LDHC: variants seen among roughly 807,000 people sequenced by gnomAD.
LDHC encodes L-lactate dehydrogenase C chain.
In LDHC, 20 loss-of-function variants were observed where a neutral mutation model predicts 30.2. The ratio of observed to expected loss-of-function variants is 0.66; its 90% CI spans 0.47 to 0.96. The LOEUF is 0.96. LDHC is among the 40% of genes least tolerant of loss of function. The pLI is 0.00. For synonymous variants in LDHC, 139 were observed against 132.7 expected, an observed-to-expected ratio of 1.05 and a Z score of -0.32; for missense variants, 362 against 394.9, an observed-to-expected ratio of 0.92 and a Z score of 0.71.
rs568629352 is a variant in LDHC at position 18,432,846 on chromosome 11, G to T, written c.419-1894G>T. Among the ~76,000 whole-genome samples, 72 of 152,222 alleles carry T rather than the reference G, an allele frequency of 4.7e-4. 3 individuals are homozygous for T. The South Asian group carries it at 0.015, about 32-fold the overall frequency. ...TTTCCACCCCTTTATGTGAGTCCTT[G>T]TATGTTAGGTGAGTCTACTGAAGAC... On this transcript the variant is annotated intron_variant, in intron 4 of 7. Coordinates refer to ENST00000541669, the MANE Select transcript of LDHC (RefSeq NM_017448.5).
chr11:18,412,493 G>C, intron 1 of LDHC, 85 bp downstream of exon 1: 2 of 475,060 alleles, frequency 4.2e-6, no homozygotes, highest in Non-Finnish European at 3.8e-6. Context: ...TGAAAGTGGT[G>C]GCTGGGGGCA....
intron 6 of LDHC, among the ~76,000 whole-genome samples, chr11:18,439,435 C>T (rs2643857): frequency 0.13 from 18,917 of 151,118 alleles, 1,455 homozygotes; most frequent in East Asian, 0.32. Flanking sequence ...TGGTGATGGG[C>T]GCCTGTAATC....
chr11:18,434,866 C>T lies in LDHC; in HGVS notation c.545C>T (p.Pro182Leu), dbSNP rs1208531070. The change falls in exon 5 of 8, where the codon CCC becomes CTC. Residue 182 changes from proline to leucine, a missense_variant. Transcript: ENST00000541669. Reference protein sequence around the residue: ...YLIGEKLGVHPTSCHGWIIGE... With the variant: ...YLIGEKLGVHLTSCHGWIIGE... The stretch of plus-strand genomic sequence containing the variant: ...ATTGGAGAAAAGTTGGGTGTCCACC[C>T]CACAAGCTGCCATGGTTGGATTATT... 6.2e-7 allele frequency: 1 copy of T among 1,613,326 alleles called. No homozygotes were observed. Among genetic ancestry groups the T allele is most frequent in the Non-Finnish European group, 8.5e-7 (1 of 1,179,432 alleles).
Position 18,426,029 on chromosome 11 carries a change from A to T in LDHC, c.245-3708A>T, listed in dbSNP as rs66496958. On this transcript the variant is annotated intron_variant, in intron 3 of 7. Transcript: ENST00000541669. ...GATGGAACATCGTTGATTAGCCACA[A>T]TTTTTTTTTTTTTTTACTTTTTAGT... Among the ~76,000 whole-genome samples, 118 of 134,012 alleles carry T rather than the reference A, an allele frequency of 8.8e-4. 1 individual carries two copies. The highest frequency in any genetic ancestry group is 2.1e-3 in the African/African-American group (70 of 33,574). The allele number at this position is 134,012 out of a possible 152,430, so 87.9% of individuals were successfully genotyped here.
intron 6 of LDHC, among the ~76,000 whole-genome samples, chr11:18,439,729 C>G (rs2698568): frequency 0.068 from 9,554 of 140,756 alleles, 500 homozygotes; most frequent in East Asian, 0.35. Context: ...AATCCCAATA[C>G]TTTGGGAGGC....
intron 1 of LDHC, 107 bp from the exon 2 acceptor site, chr11:18,412,602 T>G: frequency 9.6e-7 from 1 of 1,037,392 alleles, no homozygotes; most frequent in African/African-American, 1.6e-5. Flanking sequence ...AGGAAATTCT[T>G]TCTTTGGCTT....
chr11:18,448,936 C>G (rs987693073), intron 7 of LDHC, among the ~76,000 whole-genome samples: 15 of 152,098 alleles, frequency 9.9e-5, no homozygotes, highest in Admixed American at 4.6e-4. Flanking sequence ...CAGGGCCAGG[C>G]TTGGTCCCAG....
chr11:18,434,375 G>A (rs910938927), intron 4 of LDHC, among the ~76,000 whole-genome samples: 1 of 152,110 alleles, frequency 6.6e-6, no homozygotes. Context: ...TTTGGGGGGT[G>A]TTGACGAGCC....
At chr11:18,415,723 C>T (rs374129070) in intron 3 of LDHC, among the ~76,000 whole-genome samples, 4 of 151,736 alleles carry the variant, frequency 2.6e-5, no homozygotes, top group South Asian at 2.1e-4. Flanking sequence ...GATGGAGTCT[C>T]GCTCTGTTGC....
chr11:18,430,990 C>G (rs535019820), intron 4 of LDHC, among the ~76,000 whole-genome samples: 13 of 151,808 alleles, frequency 8.6e-5, no homozygotes, highest in African/African-American at 3.1e-4. Context: ...ATAGGGAGAC[C>G]TTGTCTGTAC....
chr11:18,426,807 G>A (rs997667899), intron 3 of LDHC, among the ~76,000 whole-genome samples: 2 of 151,990 alleles, frequency 1.3e-5, no homozygotes, highest in Admixed American at 1.3e-4. Context: ...AGATTTTCCA[G>A]GTGCCCTGAT....
intron 3 of LDHC, among the ~76,000 whole-genome samples, chr11:18,418,502 T>C (rs1867063055): frequency 6.6e-6 from 1 of 152,040 alleles, no homozygotes; most frequent in African/African-American, 2.4e-5. Flanking sequence ...TGATCTCTGC[T>C]CACTGCAACC....
chr11:18,442,114 A>G (rs1291392355), intron 6 of LDHC, among the ~76,000 whole-genome samples: 2 of 152,160 alleles, frequency 1.3e-5, no homozygotes, highest in East Asian at 3.9e-4. Flanking sequence ...AACAGTTCTT[A>G]ATGCACTTCC....
chr11:18,412,967 C>T, intron 2 of LDHC, 124 bp downstream of exon 2: 1 of 425,436 alleles, frequency 2.4e-6, no homozygotes, highest in Non-Finnish European at 4.0e-6. Flanking sequence ...TTGACCTTTC[C>T]TCCCTCCCTC....
At chr11:18,417,127 G>A (rs920128221) in intron 3 of LDHC, among the ~76,000 whole-genome samples, 2 of 152,012 alleles carry the variant, frequency 1.3e-5, no homozygotes, top group East Asian at 3.9e-4. Context: ...CAGGTGACCC[G>A]CCTGCCTTGG....
chr11:18,425,914 C>A (rs1848152797), intron 3 of LDHC, among the ~76,000 whole-genome samples: 1 of 150,996 alleles, frequency 6.6e-6, no homozygotes, highest in African/African-American at 2.4e-5. Context: ...GCACTCCAGC[C>A]TGGGCAACAG....
chr11:18,424,482 A>G (rs1034050262), intron 3 of LDHC, among the ~76,000 whole-genome samples: 1 of 152,204 alleles, frequency 6.6e-6, no homozygotes, highest in Non-Finnish European at 1.5e-5. Context: ...TATAGTCCCA[A>G]GAAAACTTTT....
intron 3 of LDHC, among the ~76,000 whole-genome samples, chr11:18,426,991 T>C (rs947548572): frequency 3.9e-5 from 6 of 152,186 alleles, no homozygotes; most frequent in African/African-American, 1.4e-4. Context: ...TTATTGAACA[T>C]TTAATACACC....
At chr11:18,428,876 GA>G (rs35689913) in intron 3 of LDHC, among the ~76,000 whole-genome samples, 111,549 of 135,550 alleles carry the variant, frequency 0.82, 45,572 homozygotes, top group East Asian at 0.88. Flanking sequence ...CACTATCTCA[GA>G]AAAAAAAAAA....
Sources: allele counts gnomAD v4.1 joint callset (sites outside exome capture counted in the v4.1 genomes callset), GRCh38; gene constraint gnomAD v4.1.1; transcripts MANE v1.5; gene names NCBI Gene and HGNC (gene_info 2026-07-23, HGNC 2026-07-21).